The following CDK5 variants were observed in gnomAD, a reference collection of about 807,000 sequenced individuals.
CDK5 encodes the protein cyclin-dependent kinase 5.
In CDK5, 18 loss-of-function variants were observed where a neutral mutation model predicts 44.6. The observed-to-expected ratio is 0.40, with a 90% confidence interval of 0.28 to 0.60. The LOEUF is 0.60. Ranked by LOEUF, CDK5 falls within the 20% of genes least tolerant of loss-of-function variation. The pLI, the probability that CDK5 is intolerant of heterozygous loss-of-function variation, is 0.38. For synonymous variants in CDK5, 143 were observed against 152.8 expected (o/e 0.94, Z 0.47); for missense variants, 198 against 368.1 (o/e 0.54, Z 3.78).
rs1257052866 is a variant in CDK5, at chr7:151,054,250, C to T, written c.754G>A (p.Val252Met). 6 of 1,613,554 alleles carry T rather than the reference C, an allele frequency of 3.7e-6. No individual in the cohort carries two copies. The highest frequency in any genetic ancestry group is 2.2e-5 in the East Asian group (1 of 44,874). The change falls in exon 11 of 12, where the codon GTG becomes ATG. Residue 252 changes from valine (V) to methionine (M), a missense_variant. Physicochemically the swap from Val to Met is conservative, Grantham distance 21. Coordinates refer to ENST00000485972, the MANE Select transcript of CDK5 (RefSeq NM_004935.4). This position sits in a 1 kb window ranked among gnomAD's most constrained non-coding sequence, Gnocchi z 5.7. ...YPATTSLVNV[V>M]PKLNATGRDL... ...CTCCCTGTGGCATTGAGTTTGGGCA[C>T]GACGTTCACCAGGGATGTTGTGGCC... is the stretch of plus-strand genomic sequence containing the variant.
rs749704291 is a variant in CDK5 at position 151,056,894 on chromosome 7, C to G, written c.194+14G>C. ...AGCGGCCACACCGGCAAGGAGCACC[C>G]GCCTCCCGCACACCTGACGATGTTC... On this transcript the variant is annotated intron_variant, in intron 3 of 11. Transcript: ENST00000485972. This position sits in a 1 kb window ranked among gnomAD's most constrained non-coding sequence, Gnocchi z 4.7. The G allele has an allele frequency of 4.4e-6, 7 of 1,602,302 alleles. No homozygotes were observed. The highest frequency in any genetic ancestry group is 6.0e-6 in the Non-Finnish European group (7 of 1,174,758).
chr7:151,057,567 G>T lies in CDK5; in HGVS notation c.37+245C>A. 1.6e-6 allele frequency: 1 copy of T among 612,858 alleles called. No individual in the cohort carries two copies. The highest frequency in any genetic ancestry group is 2.9e-6 in the Non-Finnish European group (1 of 344,476). The allele number at this position is 612,858 out of a possible 1,614,324, so 38.0% of individuals were successfully genotyped here. On this transcript the variant is annotated intron_variant, in intron 1 of 11. Coordinates refer to ENST00000485972, the MANE Select transcript of CDK5 (RefSeq NM_004935.4). The surrounding 1 kb of genome is among the most constrained non-coding windows in gnomAD (Gnocchi z 5.2). Reference sequence around the variant, plus strand: ...GCTGAGGCTGGGGTGAGAAATTTCAGGAAGTGTCGCGGTTGGGAGGTCGGG... The same window carrying T: ...GCTGAGGCTGGGGTGAGAAATTTCATGAAGTGTCGCGGTTGGGAGGTCGGG...
Position 151,055,950 on chromosome 7 carries a change from C to T in CDK5, c.313-102G>A, listed in dbSNP as rs146929805. On this transcript the variant is annotated intron_variant, in intron 5 of 11. Transcript: ENST00000485972. ...TCACCCTGTGCTTCGCTCCACCCCA[C>T]CCACCTTTCAGCACCTGGTTCAGAG... is the stretch of plus-strand genomic sequence containing the variant. 9.6e-5 allele frequency: 72 copies of T among 751,492 alleles called. No individual in the cohort carries two copies. In the East Asian group the frequency reaches 1.7e-3, roughly 18 times the overall value. The allele number at this position is 751,492 out of a possible 1,614,324, so 46.6% of individuals were successfully genotyped here.
At position 151,055,065 on chromosome 7, in the gene CDK5, G is replaced by A. The variant is rs376139702; in HGVS notation, c.612C>T (p.Pro204=). Residue 204 remains proline (P), a synonymous_variant, in exon 9 of 12, where the codon CCC becomes CCT. Transcript: ENST00000485972. ...TCAACTGGTCATCGACATCATTGCCGGGAAAAAGAGGCCGCCCAGCATTGG... is the reference window on the plus strand; with the variant it reads ...TCAACTGGTCATCGACATCATTGCCAGGAAAAAGAGGCCGCCCAGCATTGG... ...ELANAGRPLF[P]GNDVDDQLKR... 64 of 1,613,598 alleles carry A rather than the reference G, an allele frequency of 4.0e-5. No individual in the cohort carries two copies. Among genetic ancestry groups the A allele is most frequent in the African/African-American group, 1.2e-4 (9 of 75,026 alleles).
Position 151,055,347 on chromosome 7 carries a change from C to G in CDK5, c.510G>C (p.Pro170=), listed in dbSNP as rs754127997. Residue 170 remains proline, a synonymous_variant, in exon 8 of 12, where the codon CCG becomes CCC. Transcript: ENST00000485972. ...ACAGCTTGGCCCCAAAGAGGACATCCGGTGGGCGGTACCACAGTGTGACCA... is the reference window on the plus strand; with the variant it reads ...ACAGCTTGGCCCCAAAGAGGACATCGGGTGGGCGGTACCACAGTGTGACCA... ...AEVVTLWYRP[P]DVLFGAKLYS... is the part of the protein sequence containing the mutation. 4 of 1,613,804 alleles carry G rather than the reference C, an allele frequency of 2.5e-6. No individual in the cohort carries two copies. The highest frequency in any genetic ancestry group is 3.4e-6 in the Non-Finnish European group (4 of 1,179,712).
intron 8 of CDK5, 36 bp downstream of exon 8, chr7:151,055,241 G>A (rs1185919615): frequency 1.3e-6 from 2 of 1,590,796 alleles, no homozygotes; most frequent in East Asian, 2.2e-5. Flanking sequence ...ACTCAAATGG[G>A]AAAGAAGGTG....
Position 151,056,171 on chromosome 7 carries a change from G to T in CDK5, c.313-323C>A. Reference sequence around the variant, plus strand: ...TTCCTGGCCGCATCTGAGTATGCACGCCGTGAACATCAACATAAATATCGT... The same window carrying T: ...TTCCTGGCCGCATCTGAGTATGCACTCCGTGAACATCAACATAAATATCGT... On this transcript the variant is annotated intron_variant, in intron 5 of 11. Transcript: ENST00000485972. The surrounding 1 kb of genome is among the most constrained non-coding windows in gnomAD (Gnocchi z 4.7). The T allele has an allele frequency of 2.0e-6, 1 of 509,386 alleles. No homozygotes were observed. The highest frequency in any genetic ancestry group is 3.5e-6 in the Non-Finnish European group (1 of 284,130). The allele number at this position is 509,386 out of a possible 1,614,324, so 31.6% of individuals were successfully genotyped here. A position where few individuals can be genotyped will look rare whatever the true frequency, so the allele number is the denominator to read the frequency against.
rs1391713468 is a variant in CDK5, at chr7:151,055,984, T to C, written c.313-136A>G. 1.7e-5 allele frequency: 11 copies of C among 660,946 alleles called. 1 individual carries two copies. In the East Asian group the frequency reaches 3.0e-4, roughly 18 times the overall value. 40.9% of individuals were successfully genotyped at this position (660,946 alleles called of 1,614,324 possible). ...CAGCACCTGGTTCAGAGTGACACCATTCATTCGCCATCCAGGACCTGCTTT... is the reference window on the plus strand; with the variant it reads ...CAGCACCTGGTTCAGAGTGACACCACTCATTCGCCATCCAGGACCTGCTTT... On this transcript the variant is annotated intron_variant, in intron 5 of 11. Transcript: ENST00000485972.
chr7:151,057,015 C>T lies in CDK5; in HGVS notation c.127-40G>A, dbSNP rs1163677646. 3 of 1,613,368 alleles carry T rather than the reference C, an allele frequency of 1.9e-6. No individual in the cohort carries two copies. Among genetic ancestry groups the T allele is most frequent in the African/African-American group, 2.7e-5 (2 of 74,880 alleles). On this transcript the variant is annotated intron_variant, in intron 2 of 11. Transcript: ENST00000485972. This position sits in a 1 kb window ranked among gnomAD's most constrained non-coding sequence, Gnocchi z 5.2. ...GGGCCGGTGGGCAGCAGTCAGATCCCACCCAGCCCAGGCCCTCAAACCCCT... is the reference window on the plus strand; with the variant it reads ...GGGCCGGTGGGCAGCAGTCAGATCCTACCCAGCCCAGGCCCTCAAACCCCT...
In CDK5 at chr7:151,055,383, AC is replaced by A. The variant is rs3214589; in HGVS notation, c.484-11del. ...ACCACAGTGTGACCACCTGGAGGAG[AC>A]CCCCCCCGAAAGGGACCTCCCACTT... On this transcript the variant is annotated splice_polypyrimidine_tract_variant and intron_variant, in intron 7 of 11. Transcript: ENST00000485972. 6.1e-4 allele frequency: 978 copies of A among 1,602,812 alleles called. 9 individuals carry two copies. The African/African-American group carries it at 8.5e-3, about 14-fold the overall frequency.
rs1158494872 is a variant in CDK5 at position 151,054,513 on chromosome 7, T to G, written c.651-48A>C. The G allele has an allele frequency of 1.9e-6, 3 of 1,555,228 alleles. No homozygotes were observed. The highest frequency in any genetic ancestry group is 3.5e-5 in the Admixed American group (2 of 57,534). The stretch of plus-strand genomic sequence containing the variant: ...CTTGGGAAAGGGCCACAGCTGCATC[T>G]TCAGGGGCAGGGTGAGGGCCTCTTC... On this transcript the variant is annotated intron_variant, in intron 9 of 11. Transcript: ENST00000485972. This position sits in a 1 kb window ranked among gnomAD's most constrained non-coding sequence, Gnocchi z 5.7.
In CDK5 at chr7:151,054,956, C is replaced by T. The variant is rs888730984; in HGVS notation, c.650+71G>A. ...CCCTACCCCACACCATCACTGCCCT[C>T]ACCCATTGTGCTCAAAACTCCATGG... On this transcript the variant is annotated intron_variant, in intron 9 of 11. Transcript: ENST00000485972. This position sits in a 1 kb window ranked among gnomAD's most constrained non-coding sequence, Gnocchi z 5.7. 2.0e-6 allele frequency: 3 copies of T among 1,469,880 alleles called. No homozygotes were observed. The Admixed American group carries it at 5.2e-5, about 25-fold the overall frequency. The allele number at this position is 1,469,880 out of a possible 1,614,324, so 91.1% of individuals were successfully genotyped here.
At position 151,057,355 on chromosome 7, in the gene CDK5, G is replaced by T. The variant is rs1796920695; in HGVS notation, c.38-195C>A. On this transcript the variant is annotated intron_variant, in intron 1 of 11. Coordinates refer to ENST00000485972, the MANE Select transcript of CDK5 (RefSeq NM_004935.4). This position sits in a 1 kb window ranked among gnomAD's most constrained non-coding sequence, Gnocchi z 5.2. ...GAGAAGGTGCCCACCGAGGCTCCAG[G>T]GGCTCGGCAGGAGGGGCGAGTGCGG... 1.6e-6 allele frequency: 1 copy of T among 624,600 alleles called. No homozygotes were observed. The highest frequency in any genetic ancestry group is 2.9e-6 in the Non-Finnish European group (1 of 348,346). The allele number at this position is 624,600 out of a possible 1,614,324, so 38.7% of individuals were successfully genotyped here.
At position 151,056,582 on chromosome 7, in the gene CDK5, T is replaced by G; in HGVS notation, c.310A>C (p.Lys104Gln). Residue 104 changes from lysine (K) to glutamine (Q), a missense_variant and splice_region_variant, in exon 5 of 12, where the codon AAG becomes CAG. Lys to Gln is a moderately conservative substitution (Grantham distance 53, BLOSUM62 1). Coordinates refer to ENST00000485972, the MANE Select transcript of CDK5 (RefSeq NM_004935.4). The surrounding 1 kb of genome is among the most constrained non-coding windows in gnomAD (Gnocchi z 4.7). ...TCCCCCAACACCACTCTCCTCACCT[T>G]TACAATCTCAGGATCGAGGTCACCA... ...CNGDLDPEIVKSFLFQLLKGL... is the reference protein window; with the variant it reads ...CNGDLDPEIVQSFLFQLLKGL... The G allele has an allele frequency of 6.2e-7, 1 of 1,611,086 alleles. No individual in the cohort carries two copies. Among genetic ancestry groups the G allele is most frequent in the Non-Finnish European group, 8.5e-7 (1 of 1,178,520 alleles).
Position 151,054,931 on chromosome 7 carries a change from C to T in CDK5, c.650+96G>A. ...AGGAGAAGCCCTACAGACCCCATCA[C>T]CCTACCCCACACCATCACTGCCCTC... On this transcript the variant is annotated intron_variant, in intron 9 of 11. Transcript: ENST00000485972. The surrounding 1 kb of genome is among the most constrained non-coding windows in gnomAD (Gnocchi z 5.7). The T allele has an allele frequency of 8.0e-7, 1 of 1,250,112 alleles. No homozygotes were observed. The highest frequency in any genetic ancestry group is 1.2e-6 in the Non-Finnish European group (1 of 862,690). The allele number at this position is 1,250,112 out of a possible 1,614,324, so 77.4% of individuals were successfully genotyped here.
rs751828643 is a variant in CDK5 at position 151,055,388 on chromosome 7, C to T, written c.484-15G>A. 5.0e-6 allele frequency: 8 copies of T among 1,604,510 alleles called. No homozygotes were observed. The highest frequency in any genetic ancestry group is 6.8e-6 in the Non-Finnish European group (8 of 1,171,334). ...AGTGTGACCACCTGGAGGAGACCCC[C>T]CCCGAAAGGGACCTCCCACTTAGAG... On this transcript the variant is annotated splice_polypyrimidine_tract_variant and intron_variant, in intron 7 of 11. Transcript: ENST00000485972.
At chr7:151,055,693 CTG>C in intron 6 of CDK5, 58 bp downstream of exon 6, 1 of 1,538,330 alleles carries the variant, frequency 6.5e-7, no homozygotes. Context: ...CCTCTTCCCT[CTG>C]TGCTCCCCGT....
chr7:151,056,863 C>G lies in CDK5; in HGVS notation c.194+45G>C, dbSNP rs1195271403. 1 of 1,594,024 alleles carries G rather than the reference C, an allele frequency of 6.3e-7. No individual in the cohort carries two copies. The highest frequency in any genetic ancestry group is 1.3e-5 in the African/African-American group (1 of 74,356). On this transcript the variant is annotated intron_variant, in intron 3 of 11. Transcript: ENST00000485972. This position sits in a 1 kb window ranked among gnomAD's most constrained non-coding sequence, Gnocchi z 4.7. ...AGACGTCCAGTGTCAGCCCCCGCCTCCCCCAAGCGGCCACACCGGCAAGGA... is the reference window on the plus strand; with the variant it reads ...AGACGTCCAGTGTCAGCCCCCGCCTGCCCCAAGCGGCCACACCGGCAAGGA...
rs144982250 is a variant in CDK5 at position 151,053,874 on chromosome 7, G to A, written c.*135C>T. The stretch of plus-strand genomic sequence containing the variant: ...AGTCCACAAAGGGAGTGAGAAATTC[G>A]GGCTCAGGCACCCCACCCCGGCTGG... On this transcript the variant is annotated 3_prime_UTR_variant, in exon 12 of 12. Transcript: ENST00000485972. The A allele has an allele frequency of 3.0e-6, 2 of 671,744 alleles. No homozygotes were observed. Among genetic ancestry groups the A allele is most frequent in the South Asian group, 1.9e-5 (1 of 53,474 alleles). 41.6% of individuals were successfully genotyped at this position (671,744 alleles called of 1,614,324 possible). A position where few individuals can be genotyped will look rare whatever the true frequency, so the allele number is the denominator to read the frequency against.
Sources: allele counts gnomAD v4.1 joint callset, GRCh38; gene constraint gnomAD v4.1.1; non-coding constraint Gnocchi (gnomAD v3.1); transcripts MANE v1.5; gene names NCBI Gene and HGNC (gene_info 2026-07-23, HGNC 2026-07-21).